ARHGEF28: variants seen among roughly 807,000 people sequenced by gnomAD.
ARHGEF28 encodes the protein 190 kDa guanine nucleotide exchange factor.
A neutral mutation model predicts 206.6 loss-of-function variants in ARHGEF28; 152 were observed. The observed-to-expected ratio is 0.74, with a 90% CI of 0.64 to 0.84. ARHGEF28 has a LOEUF of 0.84. ARHGEF28 is among the 40% of genes least tolerant of loss of function. The pLI, the probability that ARHGEF28 is intolerant of heterozygous loss-of-function variation, is 0.00. For missense variants in ARHGEF28, 2,028 were observed against 2,073.2 expected, an observed-to-expected ratio of 0.98 and a Z score of 0.42; for synonymous variants, 763 against 776.4, an observed-to-expected ratio of 0.98 and a Z score of 0.29.
rs374346474 is a variant in ARHGEF28 at position 73,634,177 on chromosome 5, G to T, written c.-12+7855G>T. 5.9e-5 allele frequency among the ~76,000 whole-genome samples: 9 copies of T among 152,250 alleles called. No individual in the cohort carries two copies. In the South Asian group the frequency reaches 8.3e-4, roughly 14 times the overall value. On this transcript the variant is annotated intron_variant, in intron 1 of 35. Coordinates refer to ENST00000513042, the MANE Select transcript of ARHGEF28 (RefSeq NM_001177693.2). ...TTCAATGCCTGAGGAAACAATAAAA[G>T]TGTTATTTAGGCTGAAATCTAGGGC...
intron 17 of ARHGEF28, 90 bp downstream of exon 17, chr5:73,864,962 A>G: frequency 8.5e-7 from 1 of 1,172,244 alleles, no homozygotes; most frequent in Non-Finnish European, 1.2e-6. Flanking sequence ...TACCATCTAG[A>G]TTTATTTCTA....
chr5:73,637,579 C>T (rs1053034506), intron 1 of ARHGEF28, among the ~76,000 whole-genome samples: 8 of 152,042 alleles, frequency 5.3e-5, no homozygotes, highest in African/African-American at 1.9e-4. Flanking sequence ...TGGGATTTTA[C>T]TTGCTGAGTG....
chr5:73,714,081 C>T (rs1054914546), intron 2 of ARHGEF28, among the ~76,000 whole-genome samples: 28 of 152,086 alleles, frequency 1.8e-4, no homozygotes, highest in Admixed American at 1.5e-3. Context: ...GGACTTTAAC[C>T]GCCCTGTGTC....
chr5:73,914,846 G>A (rs1054590846), intron 35 of ARHGEF28, among the ~76,000 whole-genome samples: 3 of 152,218 alleles, frequency 2.0e-5, no homozygotes, highest in South Asian at 2.1e-4. Context: ...TGGACTCACT[G>A]CAACCTCCCA....
intron 16 of ARHGEF28, among the ~76,000 whole-genome samples, chr5:73,862,030 A>G (rs1008628989): frequency 1.3e-5 from 2 of 152,194 alleles, no homozygotes; most frequent in Non-Finnish European, 2.9e-5. Flanking sequence ...TCTTAAAAAC[A>G]AGATATGATA....
chr5:73,683,210 A>G (rs1474560821), intron 1 of ARHGEF28, among the ~76,000 whole-genome samples: 1 of 152,166 alleles, frequency 6.6e-6, no homozygotes, highest in Non-Finnish European at 1.5e-5. Flanking sequence ...AGACAACATA[A>G]AATTTACCAT....
At chr5:73,826,302 T>C (rs1020298775) in intron 9 of ARHGEF28, among the ~76,000 whole-genome samples, 1 of 152,194 alleles carries the variant, frequency 6.6e-6, no homozygotes, top group African/African-American at 2.4e-5. Flanking sequence ...GCTCACCCTT[T>C]TTATGGTGGT....
chr5:73,882,927 A>G (rs1431686342), intron 23 of ARHGEF28, among the ~76,000 whole-genome samples: 1 of 152,206 alleles, frequency 6.6e-6, no homozygotes, highest in East Asian at 1.9e-4. Context: ...CTTCTGAATT[A>G]GCTTGAAGCA....
At chr5:73,929,833 A>T (rs1764007381) in intron 35 of ARHGEF28, among the ~76,000 whole-genome samples, 1 of 152,182 alleles carries the variant, frequency 6.6e-6, no homozygotes, top group Non-Finnish European at 1.5e-5. Context: ...ACATTTTTAT[A>T]ATGCTACATA....
At chr5:73,698,471 C>T (rs1748360101) in intron 2 of ARHGEF28, among the ~76,000 whole-genome samples, 1 of 152,128 alleles carries the variant, frequency 6.6e-6, no homozygotes, top group Non-Finnish European at 1.5e-5. Flanking sequence ...TCTCTTGCTA[C>T]TGCAGATTAG....
At chr5:73,876,586 A>G (rs1490427377) in intron 22 of ARHGEF28, among the ~76,000 whole-genome samples, 2 of 147,672 alleles carry the variant, frequency 1.4e-5, no homozygotes, top group African/African-American at 2.5e-5. Flanking sequence ...TTATTTTGAG[A>G]TACGTCCCAT....
In ARHGEF28 at chr5:73,931,292, C is replaced by T. The variant is rs567884767; in HGVS notation, c.4949-9552C>T. The stretch of plus-strand genomic sequence containing the variant: ...AATTTTAGAATTGTCTTTTTTGTCC[C>T]CTTATCTGAATTTTATCACATGTTT... On this transcript the variant is annotated intron_variant, in intron 35 of 35. Transcript: ENST00000513042. Among the ~76,000 whole-genome samples, 3 of 152,090 alleles carry T rather than the reference C, an allele frequency of 2.0e-5. No individual in the cohort carries two copies. The South Asian group carries it at 6.2e-4, about 32-fold the overall frequency.
chr5:73,877,165 G>A (rs1422354973), intron 22 of ARHGEF28, among the ~76,000 whole-genome samples: 5 of 148,494 alleles, frequency 3.4e-5, no homozygotes, highest in African/African-American at 2.5e-5. Flanking sequence ...TGTATGTGTC[G>A]AGGAATTTAT....
intron 1 of ARHGEF28, among the ~76,000 whole-genome samples, chr5:73,630,703 AC>A (rs1284684872): frequency 3.3e-5 from 5 of 152,092 alleles, no homozygotes. Flanking sequence ...TCCTACTGGA[AC>A]CCTATCTGGT....
At chr5:73,894,231 G>C (rs1412941846) in intron 28 of ARHGEF28, among the ~76,000 whole-genome samples, 162 bp from the exon 29 acceptor site, 1 of 152,184 alleles carries the variant, frequency 6.6e-6, no homozygotes, top group African/African-American at 2.4e-5. Flanking sequence ...TCACTAAGTG[G>C]CATGGTCAGG....
chr5:73,758,847 A>G (rs530015897), intron 4 of ARHGEF28, among the ~76,000 whole-genome samples: 3 of 152,328 alleles, frequency 2.0e-5, no homozygotes, highest in East Asian at 1.9e-4. Context: ...AGGTACTAGC[A>G]TGAATTGAAT....
intron 7 of ARHGEF28, among the ~76,000 whole-genome samples, chr5:73,792,921 T>C (rs1038378032): frequency 6.6e-6 from 1 of 152,156 alleles, no homozygotes; most frequent in Non-Finnish European, 1.5e-5. Context: ...GCAATGTTAC[T>C]CTGCTGCCAC....
chr5:73,707,370 G>T (rs1012281762), intron 2 of ARHGEF28, among the ~76,000 whole-genome samples: 3 of 152,182 alleles, frequency 2.0e-5, no homozygotes, highest in Admixed American at 6.5e-5. Flanking sequence ...TAAGTGGATG[G>T]CTATGGTTTG....
chr5:73,864,639 T>C (rs1045323044), intron 16 of ARHGEF28, among the ~76,000 whole-genome samples, 178 bp from the exon 17 acceptor site: 8 of 152,242 alleles, frequency 5.3e-5, no homozygotes, highest in African/African-American at 1.9e-4. Flanking sequence ...ATTCTGCTTG[T>C]GCTTGAGTGG....
Sources: allele counts gnomAD v4.1 joint callset (sites outside exome capture counted in the v4.1 genomes callset), GRCh38; gene constraint gnomAD v4.1.1; transcripts MANE v1.5; gene names NCBI Gene and HGNC (gene_info 2026-07-23, HGNC 2026-07-21).